KHDRBS2: variants seen among roughly 807,000 people sequenced by gnomAD.
KHDRBS2 encodes the protein KH RNA binding domain containing, signal transduction associated 2, also known as KH domain-containing, RNA-binding, signal transduction-associated protein 2.
A neutral mutation model predicts 44.3 loss-of-function variants in KHDRBS2; 26 were observed. That is an observed-to-expected ratio of 0.59 (90% confidence interval 0.43 to 0.81). KHDRBS2 has a LOEUF of 0.81. Among genes scored for constraint, KHDRBS2 ranks in the 40% least tolerant of loss-of-function variants. KHDRBS2 has a pLI of 0.00. For missense variants in KHDRBS2, 476 were observed against 433.1 expected (o/e 1.10, Z -0.88); for synonymous variants, 194 against 151.1 (o/e 1.28, Z -2.08).
intron 3 of KHDRBS2, among the ~76,000 whole-genome samples, chr6:62,021,224 A>G (rs1018054352): frequency 6.6e-6 from 1 of 151,942 alleles, no homozygotes; most frequent in Non-Finnish European, 1.5e-5. Context: ...ACATGGACAC[A>G]TACAGGAGAA....
the KHDRBS2 span, among the ~76,000 whole-genome samples, chr6:61,604,304 T>C: frequency 6.7e-6 from 1 of 149,000 alleles, no homozygotes; most frequent in East Asian, 2.0e-4. Flanking sequence ...ATCAGATCCA[T>C]TGCTCAGGAC....
intron 7 of KHDRBS2, among the ~76,000 whole-genome samples, chr6:61,717,023 A>G (rs1451438561): frequency 1.3e-5 from 2 of 152,088 alleles, no homozygotes; most frequent in East Asian, 3.9e-4. Context: ...AAGATTAAGC[A>G]GGTTTCAGTT....
At position 62,023,924 on chromosome 6, in the gene KHDRBS2, T is replaced by G. The variant is rs1429242408; in HGVS notation, c.336+23954A>C. Among the ~76,000 whole-genome samples the G allele has an allele frequency of 2.0e-5, 3 of 151,188 alleles. No individual in the cohort carries two copies. The East Asian group carries it at 5.8e-4, about 29-fold the overall frequency. ...TAATAATACATATTATTTAAAACTA[T>G]ACCATTTTTTAAACATCTATGTAGT... is the stretch of plus-strand genomic sequence containing the variant. On this transcript the variant is annotated intron_variant, in intron 3 of 8. Transcript: ENST00000281156.
rs573483520 is a variant in KHDRBS2, at chr6:62,266,714, T to C, written c.91+19144A>G. Among the ~76,000 whole-genome samples the C allele has an allele frequency of 2.0e-5, 3 of 152,094 alleles. No individual in the cohort carries two copies. The East Asian group carries it at 5.8e-4, about 29-fold the overall frequency. ...TGGGCCTAACTTCAGCCAAAATGAA[T>C]GAAGGGCAAACCTGAGATACATATT... On this transcript the variant is annotated intron_variant, in intron 1 of 8. Coordinates refer to ENST00000281156, the MANE Select transcript of KHDRBS2 (RefSeq NM_152688.4).
At chr6:61,698,601 T>C (rs983536419) in intron 7 of KHDRBS2, among the ~76,000 whole-genome samples, 1 of 152,114 alleles carries the variant, frequency 6.6e-6, no homozygotes, top group Non-Finnish European at 1.5e-5. Context: ...ATTAGCTCCC[T>C]ACTCAAAATT....
chr6:61,716,673 C>A (rs1430265676), intron 7 of KHDRBS2, among the ~76,000 whole-genome samples: 2 of 152,010 alleles, frequency 1.3e-5, no homozygotes, highest in African/African-American at 2.4e-5. Flanking sequence ...CTCCTTATTG[C>A]ATACTTTGAC....
chr6:61,867,827 C>T (rs2127300015), intron 6 of KHDRBS2, among the ~76,000 whole-genome samples: 1 of 152,328 alleles, frequency 6.6e-6, no homozygotes, highest in African/African-American at 2.4e-5. Flanking sequence ...CCTCTGGGAG[C>T]TCCATCCCAG....
At chr6:61,901,675 G>C (rs1804071848) in intron 4 of KHDRBS2, among the ~76,000 whole-genome samples, 1 of 152,124 alleles carries the variant, frequency 6.6e-6, no homozygotes, top group Non-Finnish European at 1.5e-5. Flanking sequence ...AACATAAAAT[G>C]AGAACTTGGA....
the KHDRBS2 span, among the ~76,000 whole-genome samples, chr6:61,633,382 C>T: frequency 6.6e-6 from 1 of 152,084 alleles, no homozygotes; most frequent in Non-Finnish European, 1.5e-5. Context: ...ACCCTTTACA[C>T]ACTGTGAGGA....
chr6:62,055,747 C>T (rs1255988060), intron 2 of KHDRBS2, among the ~76,000 whole-genome samples: 1 of 151,974 alleles, frequency 6.6e-6, no homozygotes, highest in Non-Finnish European at 1.5e-5. Context: ...CACGTAGGTT[C>T]ACTTTCGTGG....
chr6:62,080,998 A>G lies in KHDRBS2; in HGVS notation c.220-33004T>C, dbSNP rs570197463. On this transcript the variant is annotated intron_variant, in intron 2 of 8. Coordinates refer to ENST00000281156, the MANE Select transcript of KHDRBS2 (RefSeq NM_152688.4). ...TCCCCACTGTTACTATCCTGGAAGCACATCATCATTTCTTATTAGCTTCCT... is the reference window on the plus strand; with the variant it reads ...TCCCCACTGTTACTATCCTGGAAGCGCATCATCATTTCTTATTAGCTTCCT... Among the ~76,000 whole-genome samples, 6 of 152,230 alleles carry G rather than the reference A, an allele frequency of 3.9e-5. 1 individual carries two copies. The South Asian group carries it at 1.2e-3, about 32-fold the overall frequency.
At chr6:61,939,943 A>T (rs573453021) in intron 4 of KHDRBS2, among the ~76,000 whole-genome samples, 1 of 152,330 alleles carries the variant, frequency 6.6e-6, no homozygotes, top group Non-Finnish European at 1.5e-5. Context: ...TTCATAAAAT[A>T]AATGTACCCT....
chr6:61,572,579 C>A, the KHDRBS2 span, among the ~76,000 whole-genome samples: 29 of 152,066 alleles, frequency 1.9e-4, 1 homozygote, highest in Non-Finnish European at 4.4e-5. Context: ...CACAAAAATA[C>A]TAGCTAACCA....
chr6:62,203,206 C>A (rs1265568631), intron 1 of KHDRBS2, among the ~76,000 whole-genome samples: 1 of 152,032 alleles, frequency 6.6e-6, no homozygotes, highest in Non-Finnish European at 1.5e-5. Flanking sequence ...TCTTCATCCT[C>A]ATGGCAATGG....
chr6:61,829,045 G>A (rs1243176302), intron 6 of KHDRBS2, among the ~76,000 whole-genome samples: 6 of 152,172 alleles, frequency 3.9e-5, no homozygotes, highest in Non-Finnish European at 2.9e-5. Context: ...TTATATAGAG[G>A]TATTTTCTAT....
the KHDRBS2 span, among the ~76,000 whole-genome samples, chr6:61,581,864 T>A: frequency 6.6e-6 from 1 of 151,466 alleles, no homozygotes; most frequent in East Asian, 1.9e-4. Flanking sequence ...GAAGTGCTCA[T>A]GAATCTTCAA....
At chr6:61,549,258 G>A in the KHDRBS2 span, among the ~76,000 whole-genome samples, 2 of 152,166 alleles carry the variant, frequency 1.3e-5, no homozygotes, top group African/African-American at 4.8e-5. Context: ...ATTAAACAGT[G>A]GTATAATGTT....
chr6:61,748,923 G>A (rs754084032), intron 6 of KHDRBS2, among the ~76,000 whole-genome samples: 4 of 151,458 alleles, frequency 2.6e-5, no homozygotes, highest in Non-Finnish European at 4.4e-5. Context: ...AATGTAGCTA[G>A]TGTGACCAAG....
At chr6:61,844,058 A>G (rs1794011354) in intron 6 of KHDRBS2, among the ~76,000 whole-genome samples, 4 of 152,296 alleles carry the variant, frequency 2.6e-5, no homozygotes, top group East Asian at 1.9e-4. Context: ...CCTTTAGGGT[A>G]CAGGGATGAA....
Sources: gnomAD v4.1 joint callset for allele counts (sites outside exome capture counted in the v4.1 genomes callset) on GRCh38, gnomAD v4.1.1 for gene constraint, MANE v1.5 for transcripts, NCBI Gene and HGNC (gene_info 2026-07-23, HGNC 2026-07-21) for gene names.